The following TJP3 variants were observed in gnomAD, a reference collection of about 807,000 sequenced individuals.
The protein encoded by TJP3 is tight junction protein 3.
In TJP3, 85 loss-of-function variants were observed where a neutral mutation model predicts 104.2. The observed-to-expected ratio is 0.82, with a 90% confidence interval of 0.68 to 0.98. The LOEUF is 0.98. Among genes scored for constraint, TJP3 ranks in the 50% least tolerant of loss-of-function variants. TJP3 has a pLI of 0.00. For synonymous variants in TJP3, 550 were observed against 550.6 expected, an observed-to-expected ratio of 1.00 and a Z score of 0.02; for missense variants, 1,367 against 1,322.8, an observed-to-expected ratio of 1.03 and a Z score of -0.52.
intron 6 of TJP3, among the ~76,000 whole-genome samples, chr19:3,732,896 C>T (rs1341889749): frequency 2.0e-5 from 3 of 152,072 alleles, no homozygotes; most frequent in African/African-American, 7.2e-5. Flanking sequence ...CCATCCGCCT[C>T]GGCCTCCCAA....
Position 3,746,179 on chromosome 19 carries a change from C to G in TJP3, c.2010+98C>G. ...CCTGACCTGTTCTCAGCCCACACCC[C>G]ACAAGTGCAGTCTTCCATAGAGCCC... is the stretch of plus-strand genomic sequence containing the variant. On this transcript the variant is annotated intron_variant, in intron 16 of 20. Transcript: ENST00000541714. The surrounding 1 kb of genome is among the most constrained non-coding windows in gnomAD (Gnocchi z 4.1). The G allele has an allele frequency of 8.1e-7, 1 of 1,241,686 alleles. No homozygotes were observed. The highest frequency in any genetic ancestry group is 1.5e-5 in the African/African-American group (1 of 67,206). 76.9% of individuals were successfully genotyped at this position (1,241,686 alleles called of 1,614,324 possible). A position where few individuals can be genotyped will look rare whatever the true frequency, so the allele number is the denominator to read the frequency against.
intron 1 of TJP3, among the ~76,000 whole-genome samples, chr19:3,710,184 G>C (rs1204064790): frequency 2.6e-5 from 4 of 151,382 alleles, no homozygotes; most frequent in Non-Finnish European, 5.9e-5. Context: ...GGGGGATATG[G>C]AGTCACCAAG....
chr19:3,713,447 G>T (rs192454570), intron 1 of TJP3, among the ~76,000 whole-genome samples: 15 of 152,340 alleles, frequency 9.8e-5, no homozygotes, highest in African/African-American at 3.6e-4. Context: ...AGGAAAGACA[G>T]AATCGGTCAC....
chr19:3,742,994 G>A (rs987122362), intron 14 of TJP3, among the ~76,000 whole-genome samples: 9 of 151,184 alleles, frequency 6.0e-5, no homozygotes, highest in African/African-American at 1.5e-4. Flanking sequence ...GGCCACGTGC[G>A]GTGGCTCACG....
chr19:3,744,466 C>A (rs1026776222), intron 15 of TJP3, among the ~76,000 whole-genome samples: 1 of 151,936 alleles, frequency 6.6e-6, no homozygotes, highest in Non-Finnish European at 1.5e-5. Flanking sequence ...GAGATTGAGA[C>A]CATCCTGGCT....
chr19:3,709,639 T>G (rs979410620), intron 1 of TJP3, among the ~76,000 whole-genome samples: 1 of 152,148 alleles, frequency 6.6e-6, no homozygotes, highest in African/African-American at 2.4e-5. Flanking sequence ...GATGATCGCA[T>G]AGTGGGGGAC....
intron 2 of TJP3, 38 bp from the exon 3 acceptor site, chr19:3,728,566 G>A: frequency 1.2e-6 from 2 of 1,602,704 alleles, no homozygotes; most frequent in South Asian, 1.1e-5. Context: ...TTACCCTGGG[G>A]GAAACAGCAG....
rs1568383387 is a variant in TJP3, at chr19:3,733,029, T to TTTTC, written c.718-721_718-720insCTTT. ...TTTTCTCTTTTCTTTTCTCTTCTCT[T>TTTTC]TTTTCTTTTCTTTTCTTTCTTTTTG... On this transcript the variant is annotated intron_variant, in intron 6 of 20. Coordinates refer to ENST00000541714, the MANE Select transcript of TJP3 (RefSeq NM_001267560.2). 6.0e-5 allele frequency among the ~76,000 whole-genome samples: 9 copies of TTTTC among 149,902 alleles called. No individual in the cohort carries two copies. The East Asian group carries it at 1.6e-3, about 27-fold the overall frequency.
Position 3,746,131 on chromosome 19 carries a change from G to C in TJP3, c.2010+50G>C. On this transcript the variant is annotated intron_variant, in intron 16 of 20. Coordinates refer to ENST00000541714, the MANE Select transcript of TJP3 (RefSeq NM_001267560.2). This position sits in a 1 kb window ranked among gnomAD's most constrained non-coding sequence, Gnocchi z 4.1. Reference sequence around the variant, plus strand: ...CCATTTCATGGATGGGGGAAACCGAGGCCTGGGCATCCAACTGAATGTCCT... The same window carrying C: ...CCATTTCATGGATGGGGGAAACCGACGCCTGGGCATCCAACTGAATGTCCT... The C allele has an allele frequency of 6.5e-7, 1 of 1,535,692 alleles. No homozygotes were observed. The highest frequency in any genetic ancestry group is 8.9e-7 in the Non-Finnish European group (1 of 1,125,948).
Position 3,746,773 on chromosome 19 carries a change from C to T in TJP3, c.2222-3C>T, listed in dbSNP as rs770922599. Reference sequence around the variant, plus strand: ...TGCACACACTGACGTCCCCTCCCTGCAGCCACCATCCCTCTGAATGGCACG... The same window carrying T: ...TGCACACACTGACGTCCCCTCCCTGTAGCCACCATCCCTCTGAATGGCACG... On this transcript the variant is annotated splice_region_variant and splice_polypyrimidine_tract_variant and intron_variant, in intron 17 of 20. Transcript: ENST00000541714. This position sits in a 1 kb window ranked among gnomAD's most constrained non-coding sequence, Gnocchi z 4.1. 1 of 1,607,012 alleles carries T rather than the reference C, an allele frequency of 6.2e-7. No homozygotes were observed. Among genetic ancestry groups the T allele is most frequent in the South Asian group, 1.1e-5 (1 of 89,680 alleles).
chr19:3,748,852 T>TG (rs2036945896), intron 19 of TJP3, among the ~76,000 whole-genome samples: 1 of 83,640 alleles, frequency 1.2e-5, no homozygotes, highest in Non-Finnish European at 2.4e-5. Flanking sequence ...CCCGGCCTTT[T>TG]TTTTTTTTTT....
At chr19:3,721,754 C>A (rs925814534) in intron 1 of TJP3, 1 of 408,544 alleles carries the variant, frequency 2.4e-6, no homozygotes, top group Admixed American at 4.5e-5. Flanking sequence ...AGCTGCGGAG[C>A]TGGAGGGAGG....
intron 1 of TJP3, among the ~76,000 whole-genome samples, chr19:3,710,009 T>C (rs954953930): frequency 3.3e-5 from 5 of 151,810 alleles, no homozygotes; most frequent in Admixed American, 2.6e-4. Context: ...ATGAGCCGAA[T>C]ATGGTGGCAA....
At chr19:3,748,714 G>A (rs187755643) in intron 19 of TJP3, among the ~76,000 whole-genome samples, 74 of 150,994 alleles carry the variant, frequency 4.9e-4, no homozygotes, top group Admixed American at 4.2e-3. Context: ...GATTACAGGC[G>A]TGCACCACCA....
At chr19:3,731,849 C>T (rs1879039) in intron 5 of TJP3, 86 bp from the exon 6 acceptor site, 207,412 of 1,080,950 alleles carry the variant, frequency 0.19, 20,928 homozygotes, top group Non-Finnish European at 0.21. Flanking sequence ...TGGGAGGGCC[C>T]GCACCTGGAC....
At position 3,708,467 on chromosome 19, in the gene TJP3, C is replaced by T. The variant is rs1305527487; in HGVS notation, c.-104C>T. On this transcript the variant is annotated 5_prime_UTR_variant, in exon 1 of 21. Transcript: ENST00000541714. ...CAAACAGGTGGGGAGGCCAGAGCTACAAGCCTCGGGTTCCCTCCCCACCAC... is the reference window on the plus strand; with the variant it reads ...CAAACAGGTGGGGAGGCCAGAGCTATAAGCCTCGGGTTCCCTCCCCACCAC... The T allele has an allele frequency of 6.6e-6, 1 of 152,208 alleles. No homozygotes were observed. Among genetic ancestry groups the T allele is most frequent in the East Asian group, 1.9e-4 (1 of 5,182 alleles). The allele number at this position is 152,208 out of a possible 1,614,324, so 9.4% of individuals were successfully genotyped here. A position where few individuals can be genotyped will look rare whatever the true frequency, so the allele number is the denominator to read the frequency against.
intron 1 of TJP3, among the ~76,000 whole-genome samples, chr19:3,726,178 C>T (rs2036594200): frequency 6.6e-6 from 1 of 152,254 alleles, no homozygotes; most frequent in Admixed American, 6.5e-5. Flanking sequence ...TCCCCACTCC[C>T]TCCACCTGTC....
rs755352625 is a variant in TJP3, at chr19:3,733,957, G to A, written c.877+45G>A. On this transcript the variant is annotated intron_variant, in intron 7 of 20. Transcript: ENST00000541714. ...GACCTGGGAGGGGGTTGAATGGATG[G>A]CAGGGAAGGTGGGAAGCCCCAGGCA... 4 of 1,593,742 alleles carry A rather than the reference G, an allele frequency of 2.5e-6. No homozygotes were observed. In the East Asian group the frequency reaches 6.8e-5, roughly 27 times the overall value.
chr19:3,728,374 AGATGAACC>A, intron 1 of TJP3, 42 bp from the exon 2 acceptor site: 1 of 1,613,858 alleles, frequency 6.2e-7, no homozygotes, highest in South Asian at 1.1e-5. Context: ...CCAAGTGCTC[AGATGAACC>A]TGTGTGGCCT....
Sources: allele counts gnomAD v4.1 joint callset (sites outside exome capture counted in the v4.1 genomes callset), GRCh38; gene constraint gnomAD v4.1.1; non-coding constraint Gnocchi (gnomAD v3.1); transcripts MANE v1.5; gene names NCBI Gene and HGNC (gene_info 2026-07-23, HGNC 2026-07-21).